The following CTNNA3 variants were observed in gnomAD, a reference collection of about 807,000 sequenced individuals.
The protein encoded by CTNNA3 is catenin alpha-3.
A neutral mutation model predicts 95.7 loss-of-function variants in CTNNA3; 76 were observed. The ratio of observed to expected loss-of-function variants is 0.79; its 90% confidence interval spans 0.66 to 0.96. The LOEUF (loss-of-function observed/expected upper bound fraction) is 0.96. Among genes scored for constraint, CTNNA3 ranks in the 40% least tolerant of loss-of-function variants. The pLI, the probability that CTNNA3 is intolerant of heterozygous loss-of-function variation, is 0.00. For synonymous variants in CTNNA3, 431 were observed against 374.4 expected (o/e 1.15, Z -1.74); for missense variants, 1,191 against 1,089.8 (o/e 1.09, Z -1.31).
chr10:67,581,658 G>A (rs1056479279), intron 3 of CTNNA3, among the ~76,000 whole-genome samples: 2 of 152,114 alleles, frequency 1.3e-5, no homozygotes, highest in East Asian at 1.9e-4. Context: ...TCATACCTCT[G>A]GTAGAATTCG....
intron 15 of CTNNA3, among the ~76,000 whole-genome samples, chr10:66,055,363 T>C (rs942435585): frequency 1.3e-5 from 2 of 152,218 alleles, no homozygotes; most frequent in African/African-American, 2.4e-5. Flanking sequence ...ACATGAAATA[T>C]ATGGCCATTT....
chr10:66,771,421 G>C (rs769897370), intron 8 of CTNNA3, among the ~76,000 whole-genome samples: 37 of 152,030 alleles, frequency 2.4e-4, no homozygotes, highest in South Asian at 4.1e-4. Flanking sequence ...GTTTTCAAAT[G>C]AATGATGGAA....
intron 5 of CTNNA3, among the ~76,000 whole-genome samples, chr10:67,323,153 C>G (rs892858718): frequency 6.6e-6 from 1 of 152,054 alleles, no homozygotes; most frequent in African/African-American, 2.4e-5. Context: ...AAAATTGCCT[C>G]CCATTCTTTA....
At chr10:66,412,650 G>A (rs534190200) in intron 11 of CTNNA3, among the ~76,000 whole-genome samples, 10 of 151,870 alleles carry the variant, frequency 6.6e-5, no homozygotes, top group African/African-American at 2.4e-4. Flanking sequence ...TAGTAGAGAC[G>A]GGGTTTTATC....
rs577772843 is a variant in CTNNA3, at chr10:66,915,781, G to A, written c.1048-140257C>T. 5.6e-5 allele frequency among the ~76,000 whole-genome samples: 8 copies of A among 143,092 alleles called. No individual in the cohort carries two copies. In the South Asian group the frequency reaches 6.6e-4, roughly 12 times the overall value. The allele number at this position is 143,092 out of a possible 152,430, so 93.9% of individuals were successfully genotyped here. A position where few individuals can be genotyped will look rare whatever the true frequency, so the allele number is the denominator to read the frequency against. On this transcript the variant is annotated intron_variant, in intron 7 of 17. Coordinates refer to ENST00000433211, the MANE Select transcript of CTNNA3 (RefSeq NM_013266.4). ...TTTTTTTTTTTTTAGATGGAGCCTC[G>A]CTCTGTAGCCAGGCTGGAGTGCCGT...
chr10:67,469,008 G>C (rs74142812), intron 5 of CTNNA3, among the ~76,000 whole-genome samples: 12,867 of 152,104 alleles, frequency 0.085, 1,246 homozygotes, highest in East Asian at 0.35. Flanking sequence ...GAGGCAGATG[G>C]GTACATCTTA....
intron 9 of CTNNA3, among the ~76,000 whole-genome samples, chr10:66,633,908 C>T (rs4746611): frequency 0.12 from 18,195 of 151,740 alleles, 1,885 homozygotes; most frequent in African/African-American, 0.26. Context: ...CAAAAAAACG[C>T]GATTGATGAA....
chr10:66,517,852 T>C (rs1239964058), intron 11 of CTNNA3, among the ~76,000 whole-genome samples: 1 of 152,124 alleles, frequency 6.6e-6, no homozygotes, highest in Non-Finnish European at 1.5e-5. Flanking sequence ...CAGAAAATCA[T>C]GAGCAGTCCA....
intron 12 of CTNNA3, among the ~76,000 whole-genome samples, chr10:66,356,337 T>C (rs1048133103): frequency 2.0e-5 from 3 of 151,928 alleles, no homozygotes; most frequent in African/African-American, 7.2e-5. Flanking sequence ...GATACATCAC[T>C]CCATTTTTTA....
intron 5 of CTNNA3, among the ~76,000 whole-genome samples, chr10:67,370,683 G>T (rs1446674050): frequency 6.6e-6 from 1 of 151,830 alleles, no homozygotes; most frequent in Non-Finnish European, 1.5e-5. Flanking sequence ...CTCACTATTT[G>T]GTATATTTGC....
intron 7 of CTNNA3, among the ~76,000 whole-genome samples, chr10:66,892,327 C>G (rs1845301204): frequency 6.6e-6 from 1 of 152,006 alleles, no homozygotes; most frequent in Non-Finnish European, 1.5e-5. Context: ...TCCCAATAAA[C>G]TGAATAAATA....
At chr10:66,768,120 C>T (rs1564669838) in intron 8 of CTNNA3, among the ~76,000 whole-genome samples, 1 of 152,154 alleles carries the variant, frequency 6.6e-6, no homozygotes, top group Non-Finnish European at 1.5e-5. Flanking sequence ...GTTTCAGATA[C>T]TGAAGAGAAA....
At chr10:66,815,074 C>A (rs1211763052) in intron 7 of CTNNA3, among the ~76,000 whole-genome samples, 1 of 151,902 alleles carries the variant, frequency 6.6e-6, no homozygotes, top group Non-Finnish European at 1.5e-5. Context: ...ATTTTTTAAA[C>A]TTTCACCCAA....
chr10:65,964,997 G>T (rs1486758987), intron 17 of CTNNA3, among the ~76,000 whole-genome samples: 2 of 152,040 alleles, frequency 1.3e-5, no homozygotes, highest in Non-Finnish European at 2.9e-5. Flanking sequence ...TAAACAAAAT[G>T]CATTTTTCTC....
At chr10:66,421,794 C>A (rs1175209428) in intron 11 of CTNNA3, among the ~76,000 whole-genome samples, 1 of 143,438 alleles carries the variant, frequency 7.0e-6, no homozygotes, top group Non-Finnish European at 1.5e-5. Context: ...GAGACTGTGC[C>A]ACTGCACTCC....
At chr10:66,013,133 T>C (rs1017793984) in intron 15 of CTNNA3, among the ~76,000 whole-genome samples, 40 of 152,232 alleles carry the variant, frequency 2.6e-4, no homozygotes, top group African/African-American at 9.2e-4. Context: ...ACTCCTGACC[T>C]TGGGTGATCC....
intron 5 of CTNNA3, among the ~76,000 whole-genome samples, chr10:67,341,492 C>A (rs1328059308): frequency 6.6e-6 from 1 of 152,120 alleles, no homozygotes; most frequent in Non-Finnish European, 1.5e-5. Context: ...TAATGATCTC[C>A]AGTTCCATCC....
intron 5 of CTNNA3, among the ~76,000 whole-genome samples, chr10:67,473,875 T>G (rs1331585837): frequency 5.3e-5 from 8 of 152,188 alleles, no homozygotes; most frequent in African/African-American, 1.7e-4. Context: ...AATTTAAATC[T>G]ATTGGAACTT....
intron 7 of CTNNA3, among the ~76,000 whole-genome samples, chr10:66,892,452 G>A (rs1359257514): frequency 6.6e-6 from 1 of 151,996 alleles, no homozygotes; most frequent in Non-Finnish European, 1.5e-5. Context: ...AAACGTTCAA[G>A]GATGCTTTTA....
Sources: gnomAD v4.1 joint callset for allele counts (sites outside exome capture counted in the v4.1 genomes callset) on GRCh38, gnomAD v4.1.1 for gene constraint, MANE v1.5 for transcripts, NCBI Gene and HGNC (gene_info 2026-07-23, HGNC 2026-07-21) for gene names.